The following ABCB9 variants were observed in gnomAD, a reference collection of about 807,000 sequenced individuals.
ABCB9 encodes the protein ATP binding cassette subfamily B member 9, also known as ABC-type oligopeptide transporter ABCB9.
A neutral mutation model predicts 62.0 loss-of-function variants in ABCB9; 36 were observed. The ratio of observed to expected loss-of-function variants is 0.58; its 90% CI spans 0.45 to 0.77. The LOEUF (loss-of-function observed/expected upper bound fraction) is 0.77. Ranked by LOEUF, ABCB9 falls within the 30% of genes least tolerant of loss-of-function variation. The pLI is 0.00. For synonymous variants in ABCB9, 435 were observed against 461.4 expected (o/e 0.94, Z 0.73); for missense variants, 943 against 1,054.7 (o/e 0.89, Z 1.47).
Position 122,930,102 on chromosome 12 carries a change from C to T in ABCB9, c.2110G>A (p.Val704Met), listed in dbSNP as rs997728616. Residue 704 changes from valine (V) to methionine (M), a missense_variant, in exon 12 of 12, where the codon GTG becomes ATG. Physicochemically the swap from Val to Met is conservative, Grantham distance 21. Transcript: ENST00000280560. This position sits in a 1 kb window ranked among gnomAD's most constrained non-coding sequence, Gnocchi z 4.9. ...VLIIAHRLST[V>M]EHAHLIVVLD... The stretch of plus-strand genomic sequence containing the variant: ...ACCACAATGAGGTGCGCGTGCTCCA[C>T]GGTGCTCAGCCGGTGCGCGATGATG... 8 of 1,557,358 alleles carry T rather than the reference C, an allele frequency of 5.1e-6. No individual in the cohort carries two copies. The highest frequency in any genetic ancestry group is 4.1e-5 in the African/African-American group (3 of 73,454).
Position 122,930,201 on chromosome 12 carries a change from T to G in ABCB9, c.2041-30A>C. 1 of 1,516,852 alleles carries G rather than the reference T, an allele frequency of 6.6e-7. No homozygotes were observed. Among genetic ancestry groups the G allele is most frequent in the Non-Finnish European group, 8.9e-7 (1 of 1,124,728 alleles). The allele number at this position is 1,516,852 out of a possible 1,614,324, so 94.0% of individuals were successfully genotyped here. On this transcript the variant is annotated intron_variant, in intron 11 of 11. Transcript: ENST00000280560. The surrounding 1 kb of genome is among the most constrained non-coding windows in gnomAD (Gnocchi z 4.9). ...GGGGACAGTGGGGGCCTGGCTTGCA[T>G]GGCACGGACGCCCCACCCGCAACCG...
intron 1 of ABCB9, among the ~76,000 whole-genome samples, 188 bp from the exon 2 acceptor site, chr12:122,960,510 A>G (rs1227277636): frequency 6.6e-6 from 1 of 152,180 alleles, no homozygotes; most frequent in Non-Finnish European, 1.5e-5. Flanking sequence ...CACTGCGGCC[A>G]GGTGCTGTTC....
Position 122,936,311 on chromosome 12 carries a change from T to C in ABCB9, c.1744-880A>G, listed in dbSNP as rs1169471846. On this transcript the variant is annotated intron_variant, in intron 9 of 11. Coordinates refer to ENST00000280560, the MANE Select transcript of ABCB9 (RefSeq NM_019625.4). ...ATAGGAAACACATTGAAAAGGATATTTACTAAACTGTTAACACTGGCTACC... is the reference window on the plus strand; with the variant it reads ...ATAGGAAACACATTGAAAAGGATATCTACTAAACTGTTAACACTGGCTACC... Among the ~76,000 whole-genome samples, 3 of 152,180 alleles carry C rather than the reference T, an allele frequency of 2.0e-5. 1 individual carries two copies. The highest frequency in any genetic ancestry group is 2.0e-4 in the Admixed American group (3 of 15,268).
chr12:122,957,346 C>T (rs879694857), intron 2 of ABCB9, among the ~76,000 whole-genome samples: 11 of 152,180 alleles, frequency 7.2e-5, no homozygotes, highest in African/African-American at 1.7e-4. Context: ...CCAGCTCTCC[C>T]GTTCTTTTCA....
Position 122,929,581 on chromosome 12 carries a change from G to A in ABCB9, c.*330C>T. The A allele has an allele frequency of 8.8e-7, 1 of 1,131,758 alleles. No homozygotes were observed. The highest frequency in any genetic ancestry group is 1.1e-6 in the Non-Finnish European group (1 of 924,566). 70.1% of individuals were successfully genotyped at this position (1,131,758 alleles called of 1,614,324 possible). A position where few individuals can be genotyped will look rare whatever the true frequency, so the allele number is the denominator to read the frequency against. The stretch of plus-strand genomic sequence containing the variant: ...CGCCATTACTCCCAATTAGAAAAAG[G>A]TTTTTGAAATCTAGGAGTTGACTGG... On this transcript the variant is annotated 3_prime_UTR_variant, in exon 12 of 12. Coordinates refer to ENST00000280560, the MANE Select transcript of ABCB9 (RefSeq NM_019625.4). The surrounding 1 kb of genome is among the most constrained non-coding windows in gnomAD (Gnocchi z 6.0).
chr12:122,951,712 G>C (rs1401138428), intron 2 of ABCB9: 1 of 152,130 alleles, frequency 6.6e-6, no homozygotes, highest in Non-Finnish European at 1.5e-5. Flanking sequence ...TGGGGCACTT[G>C]ACACCTTGCT....
At position 122,932,452 on chromosome 12, in the gene ABCB9, A is replaced by T. The variant is rs1466543792; in HGVS notation, c.1904-124T>A. On this transcript the variant is annotated intron_variant, in intron 10 of 11. Coordinates refer to ENST00000280560, the MANE Select transcript of ABCB9 (RefSeq NM_019625.4). This position sits in a 1 kb window ranked among gnomAD's most constrained non-coding sequence, Gnocchi z 4.7. ...GCTGGAACCCACAACTTGAAAGCTC[A>T]TGAAATGATGTTCCCCCCACCCAAC... 2 of 1,280,286 alleles carry T rather than the reference A, an allele frequency of 1.6e-6. No individual in the cohort carries two copies. Among genetic ancestry groups the T allele is most frequent in the Non-Finnish European group, 2.1e-6 (2 of 955,126 alleles). 79.3% of individuals were successfully genotyped at this position (1,280,286 alleles called of 1,614,324 possible). A position where few individuals can be genotyped will look rare whatever the true frequency, so the allele number is the denominator to read the frequency against.
At chr12:122,952,511 G>A (rs969894474) in intron 2 of ABCB9, 1 of 152,246 alleles carries the variant, frequency 6.6e-6, no homozygotes, top group African/African-American at 2.4e-5. Flanking sequence ...GGACCATGAG[G>A]TGGCAGCCTA....
Position 122,935,332 on chromosome 12 carries a change from C to A in ABCB9, c.1843G>T (p.Ala615Ser). 3.7e-6 allele frequency: 6 copies of A among 1,613,986 alleles called. No individual in the cohort carries two copies. Among genetic ancestry groups the A allele is most frequent in the Non-Finnish European group, 5.1e-6 (6 of 1,179,990 alleles). Residue 615 changes from alanine (A) to serine (S), a missense_variant, in exon 10 of 12, where the codon GCC becomes TCC. Ala to Ser is a moderately conservative substitution (Grantham distance 99). Transcript: ENST00000280560. ...PTVPFEMVVE[A>S]AQKANAHGFI... ...CCGTGGGCATTGGCCTTCTGTGCGG[C>A]CTCCACCACCATCTCGAAAGGCACA... is the stretch of plus-strand genomic sequence containing the variant.
In ABCB9 at chr12:122,948,817, G is replaced by A; in HGVS notation, c.860C>T (p.Ser287Phe). 4 of 1,570,410 alleles carry A rather than the reference G, an allele frequency of 2.5e-6. No individual in the cohort carries two copies. The highest frequency in any genetic ancestry group is 3.5e-6 in the Non-Finnish European group (4 of 1,158,196). The change falls in exon 5 of 12, where the codon TCC becomes TTC. Residue 287 changes from serine (S) to phenylalanine (F), a missense_variant. Transcript: ENST00000280560. ...CATGGTGGTGTCCGAGGTCAGGCGG[G>A]AGATGAGGTCCCCTGGAACACACGC... Reference protein sequence around the residue: ...FDENRTGDLISRLTSDTTMVS... With the variant: ...FDENRTGDLIFRLTSDTTMVS...
At position 122,939,989 on chromosome 12, in the gene ABCB9, G is replaced by C. The variant is rs770917613; in HGVS notation, c.1743+122C>G. 412 of 1,266,202 alleles carry C rather than the reference G, an allele frequency of 3.3e-4. 1 individual carries two copies. The highest frequency in any genetic ancestry group is 4.3e-4 in the Non-Finnish European group (399 of 926,448). 78.4% of individuals were successfully genotyped at this position (1,266,202 alleles called of 1,614,324 possible). A position where few individuals can be genotyped will look rare whatever the true frequency, so the allele number is the denominator to read the frequency against. On this transcript the variant is annotated intron_variant, in intron 9 of 11. Coordinates refer to ENST00000280560, the MANE Select transcript of ABCB9 (RefSeq NM_019625.4). ...TTTCTCTAGGAGGGCATTGTAATTG[G>C]TGATAATTCTTTGAACTGTCCATTT...
intron 9 of ABCB9, among the ~76,000 whole-genome samples, chr12:122,939,143 G>C (rs1008875662): frequency 6.6e-6 from 1 of 152,180 alleles, no homozygotes; most frequent in African/African-American, 2.4e-5. Context: ...CTGCACTCCA[G>C]CTTGGGCAAC....
intron 6 of ABCB9, 126 bp downstream of exon 6, chr12:122,945,899 G>C: frequency 5.8e-6 from 3 of 520,892 alleles, no homozygotes; most frequent in Non-Finnish European, 9.4e-6. Context: ...AAAAAAAAAA[G>C]AAAGACAGAC....
At chr12:122,946,519 A>C (rs2036054601) in intron 5 of ABCB9, 3 of 429,842 alleles carry the variant, frequency 7.0e-6, no homozygotes, top group Non-Finnish European at 1.3e-5. Flanking sequence ...GCTATTCATG[A>C]CTGGACAGTT....
chr12:122,957,563 G>A (rs558537233), intron 2 of ABCB9, among the ~76,000 whole-genome samples: 1 of 151,890 alleles, frequency 6.6e-6, no homozygotes, highest in Non-Finnish European at 1.5e-5. Flanking sequence ...GCTGAGTGGT[G>A]CCTTCAAACT....
In ABCB9 at chr12:122,940,945, C is replaced by T; in HGVS notation, c.1431G>A (p.Glu477=). The stretch of plus-strand genomic sequence containing the variant: ...GCCGGTCGATGAACTCGAACACCTT[C>T]TCAGCAGCCCCCACTCCCTGCATCA... ...SGLMQGVGAA[E]KVFEFIDRQP... Residue 477 remains glutamate, a synonymous_variant, in exon 8 of 12, where the codon GAG becomes GAA. Transcript: ENST00000280560. This position sits in a 1 kb window ranked among gnomAD's most constrained non-coding sequence, Gnocchi z 4.8. The T allele has an allele frequency of 6.2e-7, 1 of 1,612,712 alleles. No individual in the cohort carries two copies.
In ABCB9 at chr12:122,949,836, G is replaced by A. The variant is rs200831580; in HGVS notation, c.799C>T (p.Arg267Cys). Reference sequence around the variant, plus strand: ...CTTGTCTCCTGGGACACCAGTGAGCGGAAGAGACAGTTTCGAAGGCGAATG... The same window carrying A: ...CTTGTCTCCTGGGACACCAGTGAGCAGAAGAGACAGTTTCGAAGGCGAATG... ...LNIRLRNCLF[R>C]SLVSQETSFF... is the part of the protein sequence containing the mutation. The change falls in exon 4 of 12, where the codon CGC (arginine) becomes TGC (cysteine). Residue 267 changes from arginine (R) to cysteine (C), a missense_variant. By Grantham distance (180) the Arg-to-Cys change is radical. Transcript: ENST00000280560. 26 of 1,614,100 alleles carry A rather than the reference G, an allele frequency of 1.6e-5. No homozygotes were observed. The highest frequency in any genetic ancestry group is 5.0e-5 in the Admixed American group (3 of 60,012).
In ABCB9 at chr12:122,959,741, C is replaced by A. The variant is rs759620577; in HGVS notation, c.495G>T (p.Pro165=). The A allele has an allele frequency of 1.9e-6, 3 of 1,611,362 alleles. No homozygotes were observed. The highest frequency in any genetic ancestry group is 2.2e-5 in the East Asian group (1 of 44,808). ...AEGFPGSGRP[P]PEQASGATLQ... is the part of the protein sequence containing the mutation. ...GCGTGGCCCCAGACGCCTGCTCGGG[C>A]GGTGGCCGGCCGCTCCCAGGGAAGC... Residue 165 remains proline, a synonymous_variant, in exon 2 of 12, where the codon CCG becomes CCT. Coordinates refer to ENST00000280560, the MANE Select transcript of ABCB9 (RefSeq NM_019625.4). The surrounding 1 kb of genome is among the most constrained non-coding windows in gnomAD (Gnocchi z 5.4).
chr12:122,952,407 G>A (rs1015168369), intron 2 of ABCB9: 2 of 152,264 alleles, frequency 1.3e-5, no homozygotes, highest in African/African-American at 4.8e-5. Flanking sequence ...AAAGGTCAGT[G>A]AATGAACCCC....
Sources: allele counts gnomAD v4.1 joint callset (sites outside exome capture counted in the v4.1 genomes callset), GRCh38; gene constraint gnomAD v4.1.1; non-coding constraint Gnocchi (gnomAD v3.1); transcripts MANE v1.5; gene names NCBI Gene and HGNC (gene_info 2026-07-23, HGNC 2026-07-21).